Variants in MNDA observed in about 807,000 individuals in gnomAD.
MNDA encodes the protein myeloid cell nuclear differentiation antigen.
In MNDA, 43 loss-of-function variants were observed where a neutral mutation model predicts 37.8. That is an observed-to-expected ratio of 1.14 (90% CI 0.89 to 1.47). MNDA has a LOEUF of 1.47. MNDA is among the 40% of genes most tolerant of loss of function. The pLI, the probability that MNDA is intolerant of heterozygous loss-of-function variation, is 0.00. For synonymous variants in MNDA, 181 were observed against 169.0 expected (o/e 1.07, Z -0.55); for missense variants, 536 against 476.0 (o/e 1.13, Z -1.17).
At chr1:158,834,807 T>C (rs1658875188) in intron 1 of MNDA, among the ~76,000 whole-genome samples, 1 of 152,220 alleles carries the variant, frequency 6.6e-6, no homozygotes, top group Non-Finnish European at 1.5e-5. Flanking sequence ...TTGTATATGA[T>C]GTAGGTAAGG....
rs775044326 is a variant in MNDA, at chr1:158,847,894, G to C, written c.1154G>C (p.Cys385Ser). 1 of 1,613,858 alleles carries C rather than the reference G, an allele frequency of 6.2e-7. No homozygotes were observed. The highest frequency in any genetic ancestry group is 1.7e-5 in the Admixed American group (1 of 59,996). Reference sequence around the variant, plus strand: ...GTTGACCGCAAGCTGAAACTGGTGTGTGGAAGTCACAGCTTCATCAAGGTG... The same window carrying C: ...GTTGACCGCAAGCTGAAACTGGTGTCTGGAAGTCACAGCTTCATCAAGGTG... ...RTVDRKLKLVCGSHSFIKVIK... is the reference protein window; with the variant it reads ...RTVDRKLKLVSGSHSFIKVIK... Residue 385 changes from cysteine to serine, a missense_variant, in exon 6 of 7, where the codon TGT becomes TCT. Coordinates refer to ENST00000368141, the MANE Select transcript of MNDA (RefSeq NM_002432.3).
chr1:158,838,990 A>G (rs2102047389), intron 1 of MNDA, among the ~76,000 whole-genome samples: 1 of 152,116 alleles, frequency 6.6e-6, no homozygotes, highest in East Asian at 1.9e-4. Flanking sequence ...GATTTTATTT[A>G]GTTGTCTCTA....
chr1:158,837,193 G>T (rs769499094), intron 1 of MNDA, among the ~76,000 whole-genome samples: 77 of 151,726 alleles, frequency 5.1e-4, no homozygotes, highest in Non-Finnish European at 1.5e-4. Flanking sequence ...TTACTGTTTT[G>T]GATATATCTG....
chr1:158,848,809 G>T (rs1659193977), intron 6 of MNDA, among the ~76,000 whole-genome samples: 1 of 152,004 alleles, frequency 6.6e-6, no homozygotes, highest in African/African-American at 2.4e-5. Context: ...TGGAAATTCA[G>T]GAATTATATG....
At chr1:158,846,290 AAGCT>A (rs1409329957) in intron 5 of MNDA, among the ~76,000 whole-genome samples, 1 of 152,226 alleles carries the variant, frequency 6.6e-6, no homozygotes, top group African/African-American at 2.4e-5. Context: ...CAACGGGAGC[AAGCT>A]AATAACATCA....
Position 158,845,818 on chromosome 1 carries a change from A to G in MNDA, c.802A>G (p.Ile268Val), listed in dbSNP as rs745445772. 1.2e-6 allele frequency: 2 copies of G among 1,614,172 alleles called. No homozygotes were observed. The highest frequency in any genetic ancestry group is 2.2e-5 in the East Asian group (1 of 44,886). The change falls in exon 5 of 7, where the codon ATA becomes GTA. Residue 268 changes from isoleucine to valine, a missense_variant. Coordinates refer to ENST00000368141, the MANE Select transcript of MNDA (RefSeq NM_002432.3). Reference protein sequence around the residue: ...EKFVRKKVITISDYSECKGVM... With the variant: ...EKFVRKKVITVSDYSECKGVM... ...ATTTGTAAGGAAGAAGGTCATTACC[A>G]TATCTGATTACTCTGAATGTAAAGG... is the stretch of plus-strand genomic sequence containing the variant.
chr1:158,839,923 T>A (rs1266550307), intron 1 of MNDA, among the ~76,000 whole-genome samples: 1 of 152,196 alleles, frequency 6.6e-6, no homozygotes, highest in Non-Finnish European at 1.5e-5. Flanking sequence ...AAGAGAACAA[T>A]TTTTTAAACC....
intron 1 of MNDA, among the ~76,000 whole-genome samples, chr1:158,839,475 G>A (rs868147725): frequency 2.0e-5 from 3 of 152,264 alleles, no homozygotes; most frequent in African/African-American, 7.2e-5. Flanking sequence ...GCTCTCACAA[G>A]CTGGAGCACC....
intron 6 of MNDA, among the ~76,000 whole-genome samples, chr1:158,848,929 G>C (rs1571662904): frequency 6.6e-6 from 1 of 152,062 alleles, no homozygotes; most frequent in South Asian, 2.1e-4. Context: ...ATGGGTAGTT[G>C]GTTAACCAGG....
rs751019111 is a variant in MNDA at position 158,847,796 on chromosome 1, GAGT to G, written c.1057_1059del (p.Ser353del). The G allele has an allele frequency of 1.2e-6, 2 of 1,614,074 alleles. No homozygotes were observed. Among genetic ancestry groups the G allele is most frequent in the Admixed American group, 3.3e-5 (2 of 60,020 alleles). Reference sequence around the variant, plus strand: ...ATACAGGATCCATGGATGTAGTGGGGAGTGGAAAATGGCACAATATCAAGTGTG... The same window carrying G: ...ATACAGGATCCATGGATGTAGTGGGGGGAAAATGGCACAATATCAAGTGTG... On this transcript the variant is annotated inframe_deletion, in exon 6 of 7. Transcript: ENST00000368141.
chr1:158,843,512 A>G (rs1659071633), intron 3 of MNDA, 97 bp downstream of exon 3: 2 of 1,245,512 alleles, frequency 1.6e-6, no homozygotes, highest in Non-Finnish European at 1.1e-6. Context: ...GCTTAGATTT[A>G]CCAAATTAGT....
chr1:158,832,675 A>T (rs1658827395), intron 1 of MNDA, among the ~76,000 whole-genome samples: 1 of 151,748 alleles, frequency 6.6e-6, no homozygotes, highest in Non-Finnish European at 1.5e-5. Flanking sequence ...CTATGTACTG[A>T]TACTTATTGA....
Position 158,840,412 on chromosome 1 carries a change from A to G in MNDA, c.-20-1722A>G, listed in dbSNP as rs147386061. On this transcript the variant is annotated intron_variant, in intron 1 of 6. Coordinates refer to ENST00000368141, the MANE Select transcript of MNDA (RefSeq NM_002432.3). Reference sequence around the variant, plus strand: ...GAGAGAGAATGAGTGCTAGCAGGGGAAATGCCTGATGTTTATAAAACCATA... The same window carrying G: ...GAGAGAGAATGAGTGCTAGCAGGGGGAATGCCTGATGTTTATAAAACCATA... 2.0e-3 allele frequency among the ~76,000 whole-genome samples: 308 copies of G among 152,242 alleles called. 2 individuals carry two copies. The highest frequency in any genetic ancestry group is 6.9e-3 in the African/African-American group (285 of 41,540).
rs370577709 is a variant in MNDA at position 158,842,423 on chromosome 1, T to C, written c.265+5T>C. ...TTCGAAAAGAGAAGTCAAAAGGTAATAGAGAAAACCTTGCACATAGCTACT... is the reference window on the plus strand; with the variant it reads ...TTCGAAAAGAGAAGTCAAAAGGTAACAGAGAAAACCTTGCACATAGCTACT... On this transcript the variant is annotated splice_donor_5th_base_variant and intron_variant, in intron 2 of 6. Coordinates refer to ENST00000368141, the MANE Select transcript of MNDA (RefSeq NM_002432.3). 3.7e-5 allele frequency: 60 copies of C among 1,606,668 alleles called. No individual in the cohort carries two copies. The African/African-American group carries it at 7.8e-4, about 21-fold the overall frequency.
chr1:158,840,940 C>T (rs1659018538), intron 1 of MNDA, among the ~76,000 whole-genome samples: 1 of 152,096 alleles, frequency 6.6e-6, no homozygotes, highest in African/African-American at 2.4e-5. Context: ...GTTGCACAAA[C>T]ACATGGTCAC....
chr1:158,845,847 A>G lies in MNDA; in HGVS notation c.831A>G (p.Val277=), dbSNP rs1659123447. The change falls in exon 5 of 7, where the codon GTA becomes GTG. Residue 277 remains valine, a synonymous_variant. Transcript: ENST00000368141. ...TISDYSECKG[V]MEIKEASSVS... is the part of the protein sequence containing the mutation. ...CTGATTACTCTGAATGTAAAGGAGT[A>G]ATGGAAATAAAGGAAGCATCATCTG... 10 of 1,614,080 alleles carry G rather than the reference A, an allele frequency of 6.2e-6. No homozygotes were observed. Among genetic ancestry groups the G allele is most frequent in the Non-Finnish European group, 8.5e-6 (10 of 1,180,036 alleles).
At chr1:158,833,522 C>A (rs1450444445) in intron 1 of MNDA, among the ~76,000 whole-genome samples, 1 of 152,152 alleles carries the variant, frequency 6.6e-6, no homozygotes, top group Non-Finnish European at 1.5e-5. Flanking sequence ...ATCATTCTAC[C>A]TTCTTTCCCC....
In MNDA at chr1:158,845,707, G is replaced by A; in HGVS notation, c.691G>A (p.Gly231Arg). Residue 231 changes from glycine to arginine, a missense_variant, in exon 5 of 7, where the codon GGG becomes AGG. By Grantham distance (125) the Gly-to-Arg change is moderately radical. Coordinates refer to ENST00000368141, the MANE Select transcript of MNDA (RefSeq NM_002432.3). ...APFKYESPENGKSTMFHATVA... is the reference protein window; with the variant it reads ...APFKYESPENRKSTMFHATVA... The stretch of plus-strand genomic sequence containing the variant: ...ATTTAAATACGAGTCCCCAGAAAAT[G>A]GGAAAAGCACAATGTTTCATGCTAC... The A allele has an allele frequency of 6.2e-7, 1 of 1,614,074 alleles. No individual in the cohort carries two copies. The highest frequency in any genetic ancestry group is 1.3e-5 in the African/African-American group (1 of 75,028).
intron 1 of MNDA, among the ~76,000 whole-genome samples, chr1:158,833,996 A>T (rs1401722712): frequency 6.6e-6 from 1 of 152,050 alleles, no homozygotes; most frequent in African/African-American, 2.4e-5. Context: ...TTTTTTACTC[A>T]TCCTCACCAA....
Sources: gnomAD v4.1 joint callset for allele counts (sites outside exome capture counted in the v4.1 genomes callset) on GRCh38, gnomAD v4.1.1 for gene constraint, MANE v1.5 for transcripts, NCBI Gene and HGNC (gene_info 2026-07-23, HGNC 2026-07-21) for gene names.